The following DGKB variants were observed in gnomAD, a reference collection of about 807,000 sequenced individuals.
DGKB encodes 90 kDa diacylglycerol kinase.
DGKB carries 67 observed loss-of-function variants against 114.3 expected under a neutral mutation model. The ratio of observed to expected loss-of-function variants is 0.59; its 90% CI spans 0.48 to 0.72. DGKB has a LOEUF of 0.72. DGKB is among the 30% of genes least tolerant of loss of function. The pLI is 0.00. For synonymous variants in DGKB, 398 were observed against 323.1 expected, an observed-to-expected ratio of 1.23 and a Z score of -2.49; for missense variants, 907 against 975.2, an observed-to-expected ratio of 0.93 and a Z score of 0.93.
rs531252820 is a variant in DGKB, at chr7:14,537,973, A to G, written c.1770+36239T>C. 2.0e-5 allele frequency among the ~76,000 whole-genome samples: 3 copies of G among 150,876 alleles called. No individual in the cohort carries two copies. In the South Asian group the frequency reaches 6.3e-4, roughly 32 times the overall value. ...CGCATGCCTGTAATACCAGCTACTCAGGAGGCTGAGGCAGGAGAATCCCTT... is the reference window on the plus strand; with the variant it reads ...CGCATGCCTGTAATACCAGCTACTCGGGAGGCTGAGGCAGGAGAATCCCTT... On this transcript the variant is annotated intron_variant, in intron 20 of 25. Transcript: ENST00000402815.
At chr7:14,632,222 T>G (rs915276396) in intron 13 of DGKB, among the ~76,000 whole-genome samples, 9 of 151,968 alleles carry the variant, frequency 5.9e-5, no homozygotes, top group African/African-American at 2.2e-4. Flanking sequence ...CATTTGAATA[T>G]GGACAAGATA....
intron 20 of DGKB, among the ~76,000 whole-genome samples, chr7:14,485,757 T>G: frequency 1.3e-5 from 2 of 151,440 alleles, no homozygotes; most frequent in East Asian, 2.0e-4. Context: ...CCGGGCATGG[T>G]AGTGGGCACC....
chr7:14,583,227 TACGTTTTTATTTTATAAAA>T, intron 17 of DGKB, 90 bp from the exon 18 acceptor site: 1 of 698,458 alleles, frequency 1.4e-6, no homozygotes, highest in Non-Finnish European at 2.3e-6. Context: ...CCCGATGAAA[TACGTTTTTATTTTATAAAA>T]ACTGTAAAAT....
At chr7:14,187,846 T>A (rs1235550791) in intron 23 of DGKB, among the ~76,000 whole-genome samples, 1 of 151,990 alleles carries the variant, frequency 6.6e-6, no homozygotes, top group Non-Finnish European at 1.5e-5. Flanking sequence ...AGTAACAGAC[T>A]CCCAAAAAGG....
intron 21 of DGKB, among the ~76,000 whole-genome samples, chr7:14,465,663 G>A (rs1833725594): frequency 6.6e-6 from 1 of 152,154 alleles, no homozygotes; most frequent in African/African-American, 2.4e-5. Flanking sequence ...CATGGAGAGA[G>A]GAGAAATTTT....
chr7:14,550,822 T>A (rs1295855943), intron 20 of DGKB, among the ~76,000 whole-genome samples: 1 of 152,126 alleles, frequency 6.6e-6, no homozygotes, highest in East Asian at 1.9e-4. Context: ...CTTCTAAAAT[T>A]ATATCACAGT....
intron 12 of DGKB, among the ~76,000 whole-genome samples, chr7:14,680,670 G>C (rs909994948): frequency 2.0e-5 from 3 of 152,004 alleles, no homozygotes; most frequent in Admixed American, 1.3e-4. Flanking sequence ...ACCAGTAAGA[G>C]ACCACTAGCA....
chr7:14,586,231 C>G (rs1182720600), intron 17 of DGKB, among the ~76,000 whole-genome samples: 1 of 152,046 alleles, frequency 6.6e-6, no homozygotes, highest in Non-Finnish European at 1.5e-5. Flanking sequence ...ACACAAACAA[C>G]AAGAAGGCGA....
chr7:14,321,918 G>C (rs1340275412), intron 23 of DGKB, among the ~76,000 whole-genome samples: 1 of 152,114 alleles, frequency 6.6e-6, no homozygotes. Context: ...TCACCATTTA[G>C]AAGACTCAGA....
At chr7:14,387,097 A>T (rs1227583337) in intron 21 of DGKB, among the ~76,000 whole-genome samples, 7 of 147,220 alleles carry the variant, frequency 4.8e-5, no homozygotes, top group Admixed American at 1.4e-4. Flanking sequence ...GTTTCTTTTG[A>T]TTATTTATTT....
chr7:14,442,576 T>G (rs1358703894), intron 21 of DGKB, among the ~76,000 whole-genome samples: 1 of 152,154 alleles, frequency 6.6e-6, no homozygotes, highest in Non-Finnish European at 1.5e-5. Flanking sequence ...GGTCATTAAT[T>G]TTTTGGTCTT....
chr7:14,859,712 A>T (rs561489592), intron 1 of DGKB, among the ~76,000 whole-genome samples: 1 of 152,226 alleles, frequency 6.6e-6, no homozygotes, highest in Admixed American at 6.6e-5. Flanking sequence ...TTACTTCGGA[A>T]CTTTAATTAT....
chr7:14,920,294 C>A (rs146271568), intron 1 of DGKB, among the ~76,000 whole-genome samples: 1 of 152,186 alleles, frequency 6.6e-6, no homozygotes, highest in African/African-American at 2.4e-5. Flanking sequence ...ACAACGAATT[C>A]TTGAAACTCA....
Position 14,704,426 on chromosome 7 carries a change from C to A in DGKB, c.467-2696G>T, listed in dbSNP as rs1177586430. On this transcript the variant is annotated intron_variant, in intron 6 of 25. Coordinates refer to ENST00000402815, the MANE Select transcript of DGKB (RefSeq NM_001350709.2). The stretch of plus-strand genomic sequence containing the variant: ...TCACGCCACTGCACTCCAGCCTGGG[C>A]GACAGAGCGAGACTCCATCTCAAAA... 6.8e-5 allele frequency among the ~76,000 whole-genome samples: 9 copies of A among 131,646 alleles called. No individual in the cohort carries two copies. In the East Asian group the frequency reaches 1.7e-3, roughly 25 times the overall value. 86.4% of individuals were successfully genotyped at this position (131,646 alleles called of 152,430 possible).
chr7:14,172,258 AAAC>A (rs1584235408), intron 25 of DGKB, among the ~76,000 whole-genome samples: 1 of 152,244 alleles, frequency 6.6e-6, no homozygotes, highest in South Asian at 2.1e-4. Flanking sequence ...GAGAGTAACT[AAAC>A]AATATTTTAA....
At chr7:14,855,385 A>G (rs1849988892) in intron 1 of DGKB, among the ~76,000 whole-genome samples, 1 of 152,212 alleles carries the variant, frequency 6.6e-6, no homozygotes, top group Non-Finnish European at 1.5e-5. Context: ...GGTATTTATT[A>G]TAAATATGTG....
intron 21 of DGKB, among the ~76,000 whole-genome samples, chr7:14,356,174 C>T (rs974536034): frequency 6.6e-6 from 1 of 151,806 alleles, no homozygotes; most frequent in Non-Finnish European, 1.5e-5. Flanking sequence ...CTCTTTTCTT[C>T]TTTATTAGTC....
At chr7:14,917,446 T>C (rs1784298623) in intron 1 of DGKB, among the ~76,000 whole-genome samples, 1 of 151,946 alleles carries the variant, frequency 6.6e-6, no homozygotes, top group Non-Finnish European at 1.5e-5. Flanking sequence ...ATAGAGGTCA[T>C]CACTGATCCC....
intron 3 of DGKB, among the ~76,000 whole-genome samples, chr7:14,754,499 T>C (rs1834582672): frequency 6.6e-6 from 1 of 152,082 alleles, no homozygotes; most frequent in Admixed American, 6.6e-5. Context: ...TATATTTCTA[T>C]ACACATCTGC....
Sources: gnomAD v4.1 joint callset for allele counts (sites outside exome capture counted in the v4.1 genomes callset) on GRCh38, gnomAD v4.1.1 for gene constraint, MANE v1.5 for transcripts, NCBI Gene and HGNC (gene_info 2026-07-23, HGNC 2026-07-21) for gene names.